The following KCNAB2 variants were observed in gnomAD, a reference collection of about 807,000 sequenced individuals.
KCNAB2 encodes voltage-gated potassium channel subunit beta-2.
KCNAB2 carries 29 observed loss-of-function variants against 63.6 expected under a neutral mutation model. The ratio of observed to expected loss-of-function variants is 0.46; its 90% confidence interval spans 0.34 to 0.62. The LOEUF (loss-of-function observed/expected upper bound fraction) is 0.62, where lower values mean the gene tolerates loss of function less well. KCNAB2 is among the 20% of genes least tolerant of loss of function. The pLI is 0.01. For synonymous variants in KCNAB2, 222 were observed against 224.2 expected (o/e 0.99, Z 0.09); for missense variants, 359 against 563.9 (o/e 0.64, Z 3.68).
chr1:6,000,619 G>A (rs2102541130), intron 1 of KCNAB2, among the ~76,000 whole-genome samples: 1 of 148,444 alleles, frequency 6.7e-6, no homozygotes, highest in Non-Finnish European at 1.5e-5. Flanking sequence ...GTGAGTGACA[G>A]TTATCAACAG....
Position 6,073,586 on chromosome 1 carries a change from C to G in KCNAB2, c.263-147C>G. The G allele has an allele frequency of 1.4e-6, 1 of 738,290 alleles. No homozygotes were observed. Among genetic ancestry groups the G allele is most frequent in the Non-Finnish European group, 2.4e-6 (1 of 411,662 alleles). 45.7% of individuals were successfully genotyped at this position (738,290 alleles called of 1,614,324 possible). A position where few individuals can be genotyped will look rare whatever the true frequency, so the allele number is the denominator to read the frequency against. On this transcript the variant is annotated intron_variant, in intron 3 of 15. Transcript: ENST00000378083. The surrounding 1 kb of genome is among the most constrained non-coding windows in gnomAD (Gnocchi z 5.7). ...ACTTTCTCTGAAGGCCAGCTGTCCA[C>G]ACACACTAAGGACACCCTGGCCACA...
chr1:6,052,599 C>A (rs188456064), intron 2 of KCNAB2, among the ~76,000 whole-genome samples: 1 of 152,202 alleles, frequency 6.6e-6, no homozygotes, highest in African/African-American at 2.4e-5. Context: ...GTGCGCTTGT[C>A]TTTGAATTCA....
intron 5 of KCNAB2, among the ~76,000 whole-genome samples, chr1:6,083,033 C>A (rs1664344325): frequency 6.6e-6 from 1 of 152,166 alleles, no homozygotes; most frequent in Admixed American, 6.5e-5. Context: ...CCCAACTGGG[C>A]CCTGCTCAAG....
At chr1:6,077,985 ATCCAAACTCGGTACCCCTGAGCCTAAG>A (rs961476121) in intron 4 of KCNAB2, among the ~76,000 whole-genome samples, 1 of 152,164 alleles carries the variant, frequency 6.6e-6, no homozygotes, top group African/African-American at 2.4e-5. Flanking sequence ...GGGTCCAGAG[ATCCAAACTCGGTACCCCTGAGCCTAAG>A]TCCAGGAGTC....
At position 6,078,487 on chromosome 1, in the gene KCNAB2, G is replaced by A. The variant is rs981334504; in HGVS notation, c.301-3708G>A. On this transcript the variant is annotated intron_variant, in intron 4 of 15. Coordinates refer to ENST00000378083, the MANE Select transcript of KCNAB2 (RefSeq NM_001199862.2). This position sits in a 1 kb window ranked among gnomAD's most constrained non-coding sequence, Gnocchi z 4.2. The stretch of plus-strand genomic sequence containing the variant: ...GACAGGGTGGTCAGGAAGCAGAAGC[G>A]AGCAAGGACGCCACGTGGTGGTCCA... Among the ~76,000 whole-genome samples the A allele has an allele frequency of 3.9e-5, 6 of 152,118 alleles. No homozygotes were observed. The highest frequency in any genetic ancestry group is 7.4e-5 in the Non-Finnish European group (5 of 68,018).
Position 6,045,927 on chromosome 1 carries a change from C to T in KCNAB2, c.-283C>T, listed in dbSNP as rs1369733063. The T allele has an allele frequency of 4.1e-6, 4 of 985,434 alleles. No individual in the cohort carries two copies. The highest frequency in any genetic ancestry group is 2.3e-4 in the East Asian group (2 of 8,812). 61.0% of individuals were successfully genotyped at this position (985,434 alleles called of 1,614,324 possible). On this transcript the variant is annotated 5_prime_UTR_variant, in exon 1 of 16. Transcript: ENST00000378083. The surrounding 1 kb of genome is among the most constrained non-coding windows in gnomAD (Gnocchi z 4.8). Reference sequence around the variant, plus strand: ...GGTTGCAGCACGGAACTGCACTTCCCGAGCTTTTAGGGGAAGAGGCACTCG... The same window carrying T: ...GGTTGCAGCACGGAACTGCACTTCCTGAGCTTTTAGGGGAAGAGGCACTCG...
intron 4 of KCNAB2, among the ~76,000 whole-genome samples, chr1:6,075,553 G>C (rs115972192): frequency 0.012 from 1,867 of 152,294 alleles, 30 homozygotes; most frequent in African/African-American, 0.039. Flanking sequence ...ACAAATTTTT[G>C]TATTAATCCT....
intron 1 of KCNAB2, among the ~76,000 whole-genome samples, chr1:6,004,602 G>C (rs555056063): frequency 8.9e-5 from 13 of 145,598 alleles, no homozygotes; most frequent in African/African-American, 3.3e-4. Context: ...TGCCCCCATC[G>C]CCACATGGCC....
At chr1:6,004,173 C>A (rs1657422060) in intron 1 of KCNAB2, among the ~76,000 whole-genome samples, 1 of 152,088 alleles carries the variant, frequency 6.6e-6, no homozygotes, top group Non-Finnish European at 1.5e-5. Context: ...GAGGTCACTT[C>A]CCACAAAAGA....
In KCNAB2 at chr1:6,073,490, C is replaced by T. The variant is rs983933691; in HGVS notation, c.263-243C>T. Among the ~76,000 whole-genome samples the T allele has an allele frequency of 1.3e-5, 2 of 152,250 alleles. No homozygotes were observed. Among genetic ancestry groups the T allele is most frequent in the African/African-American group, 2.4e-5 (1 of 41,466 alleles). ...CCAGCATTTCAAAAGCCCCAGACCTCCTGGACCCATAGCCAGCAGCCCGCT... is the reference window on the plus strand; with the variant it reads ...CCAGCATTTCAAAAGCCCCAGACCTTCTGGACCCATAGCCAGCAGCCCGCT... On this transcript the variant is annotated intron_variant, in intron 3 of 15. Transcript: ENST00000378083. The surrounding 1 kb of genome is among the most constrained non-coding windows in gnomAD (Gnocchi z 5.7).
intron 1 of KCNAB2, chr1:5,996,151 C>T (rs1246106168): frequency 6.6e-6 from 1 of 152,400 alleles, no homozygotes; most frequent in Non-Finnish European, 1.5e-5. Flanking sequence ...GAACAGGACC[C>T]TCTTCCCCAG....
intron 1 of KCNAB2, among the ~76,000 whole-genome samples, 169 bp downstream of exon 1, chr1:6,046,352 C>A (rs952564812): frequency 6.6e-6 from 1 of 152,160 alleles, no homozygotes; most frequent in African/African-American, 2.4e-5. Flanking sequence ...AAAGAGCCAG[C>A]CTGAGGTAAA....
At chr1:6,000,885 C>T (rs576138795) in intron 1 of KCNAB2, among the ~76,000 whole-genome samples, 334 of 152,252 alleles carry the variant, frequency 2.2e-3, no homozygotes, top group African/African-American at 7.3e-3. Context: ...TCAGGGCCAA[C>T]ATCAGAGCGG....
intron 1 of KCNAB2, among the ~76,000 whole-genome samples, chr1:6,027,765 C>G (rs987213605): frequency 1.3e-5 from 2 of 152,182 alleles, no homozygotes; most frequent in African/African-American, 2.4e-5. Context: ...ACCTTGGGCA[C>G]CGTGGTTAGG....
Position 6,004,160 on chromosome 1 carries a change from A to G in KCNAB2, c.-53+11372A>G, listed in dbSNP as rs145394043. ...GCCCACCAGGGTCCAGACCCCTAGT[A>G]AAGAGGTCACTTCCCACAAAAGAAG... On this transcript the variant is annotated intron_variant, in intron 1 of 16. Coordinates refer to the KCNAB2 transcript ENST00000341524. Among the ~76,000 whole-genome samples, 29 of 152,136 alleles carry G rather than the reference A, an allele frequency of 1.9e-4. No homozygotes were observed. The East Asian group carries it at 5.4e-3, about 28-fold the overall frequency.
rs191979233 is a variant in KCNAB2, at chr1:6,019,062, C to T, written c.-52-21455C>T. ...AGCCCAGCACTATGGGAGGCTGAGGCAAGAGGACAGTGTAAGGCCAAGAGT... is the reference window on the plus strand; with the variant it reads ...AGCCCAGCACTATGGGAGGCTGAGGTAAGAGGACAGTGTAAGGCCAAGAGT... On this transcript the variant is annotated intron_variant, in intron 1 of 16. Coordinates refer to the KCNAB2 transcript ENST00000341524. Among the ~76,000 whole-genome samples the T allele has an allele frequency of 2.3e-3, 346 of 152,292 alleles. 1 individual carries two copies. Among genetic ancestry groups the T allele is most frequent in the Non-Finnish European group, 3.1e-3 (209 of 68,034 alleles).
At chr1:6,027,617 C>A (rs1659294034) in intron 1 of KCNAB2, among the ~76,000 whole-genome samples, 1 of 152,180 alleles carries the variant, frequency 6.6e-6, no homozygotes, top group African/African-American at 2.4e-5. Context: ...AAAGTCTAGA[C>A]CTGTCGTATT....
At chr1:6,090,256 C>T in intron 8 of KCNAB2, 133 bp from the exon 9 acceptor site, 1 of 605,952 alleles carries the variant, frequency 1.7e-6, no homozygotes, top group Non-Finnish European at 2.9e-6. Context: ...CGACCTCCAT[C>T]AGCTTCTGGA....
At chr1:6,093,867 G>T (rs779049590) in intron 10 of KCNAB2, among the ~76,000 whole-genome samples, 1 of 152,206 alleles carries the variant, frequency 6.6e-6, no homozygotes, top group Admixed American at 6.5e-5. Flanking sequence ...TGGCGCCCCA[G>T]GTCCTGCCAC....
Sources: gnomAD v4.1 joint callset for allele counts (sites outside exome capture counted in the v4.1 genomes callset) on GRCh38, gnomAD v4.1.1 for gene constraint, Gnocchi (gnomAD v3.1) non-coding constraint, MANE v1.5 for transcripts, NCBI Gene and HGNC (gene_info 2026-07-23, HGNC 2026-07-21) for gene names.